Variants in TBC1D16 observed in about 807,000 individuals in gnomAD.
The protein encoded by TBC1D16 is TBC1 domain family member 16.
In TBC1D16, 58 loss-of-function variants were observed where a neutral mutation model predicts 74.7. That is an observed-to-expected ratio of 0.78 (90% confidence interval 0.63 to 0.97). TBC1D16 has a LOEUF of 0.97. TBC1D16 is among the 50% of genes least tolerant of loss of function. The pLI is 0.00. For synonymous variants in TBC1D16, 493 were observed against 474.7 expected, an observed-to-expected ratio of 1.04 and a Z score of -0.50; for missense variants, 1,014 against 1,079.5, an observed-to-expected ratio of 0.94 and a Z score of 0.85.
rs565253329 is a variant in TBC1D16 at position 79,944,435 on chromosome 17, C to T, written c.1908+473G>A. ...GTGACGGTGGACGGAGAGTGGAAGT[C>T]GGTATCACTGATTGGGGCCCTCTGG... On this transcript the variant is annotated intron_variant, in intron 10 of 11. Transcript: ENST00000310924. The surrounding 1 kb of genome is among the most constrained non-coding windows in gnomAD (Gnocchi z 7.7). Among the ~76,000 whole-genome samples, 6 of 152,212 alleles carry T rather than the reference C, an allele frequency of 3.9e-5. No individual in the cohort carries two copies. Among genetic ancestry groups the T allele is most frequent in the South Asian group, 2.1e-4 (1 of 4,822 alleles).
Position 79,983,988 on chromosome 17 carries a change from T to C in TBC1D16, c.779+26172A>G, listed in dbSNP as rs2034704867. Among the ~76,000 whole-genome samples, 1 of 149,678 alleles carries C rather than the reference T, an allele frequency of 6.7e-6. No individual in the cohort carries two copies. The highest frequency in any genetic ancestry group is 1.5e-5 in the Non-Finnish European group (1 of 67,756). ...CTTAAGGGATCCTCCCTCCTCAGCC[T>C]CCCTGAGTAGCTGGGACTACAGGCA... On this transcript the variant is annotated intron_variant, in intron 3 of 11. Transcript: ENST00000310924. This position sits in a 1 kb window ranked among gnomAD's most constrained non-coding sequence, Gnocchi z 5.6.
rs2035769537 is a variant in TBC1D16 at position 80,008,736 on chromosome 17, T to G, written c.779+1424A>C. On this transcript the variant is annotated intron_variant, in intron 3 of 11. Coordinates refer to ENST00000310924, the MANE Select transcript of TBC1D16 (RefSeq NM_019020.4). This position sits in a 1 kb window ranked among gnomAD's most constrained non-coding sequence, Gnocchi z 4.5. ...GAGTCCTCAGTTACGGCTCACGGCTTCCTTTTATCTGCACTCTCCAATAAC... is the reference window on the plus strand; with the variant it reads ...GAGTCCTCAGTTACGGCTCACGGCTGCCTTTTATCTGCACTCTCCAATAAC... Among the ~76,000 whole-genome samples, 1 of 152,174 alleles carries G rather than the reference T, an allele frequency of 6.6e-6. No individual in the cohort carries two copies. The highest frequency in any genetic ancestry group is 2.4e-5 in the African/African-American group (1 of 41,440).
At chr17:79,997,777 A>G (rs549975051) in intron 3 of TBC1D16, among the ~76,000 whole-genome samples, 253 of 152,310 alleles carry the variant, frequency 1.7e-3, no homozygotes, top group African/African-American at 5.7e-3. Flanking sequence ...TGTACAGTCT[A>G]TGGGGTTTCA....
At chr17:79,958,644 A>G (rs1435580348) in intron 3 of TBC1D16, among the ~76,000 whole-genome samples, 1 of 152,242 alleles carries the variant, frequency 6.6e-6, no homozygotes, top group Non-Finnish European at 1.5e-5. Context: ...AGGTGCCCAC[A>G]ATAAAGGCAT....
In TBC1D16 at chr17:79,975,511, G is replaced by C. The variant is rs2034294485; in HGVS notation, c.780-22693C>G. On this transcript the variant is annotated intron_variant, in intron 3 of 11. Transcript: ENST00000310924. The surrounding 1 kb of genome is among the most constrained non-coding windows in gnomAD (Gnocchi z 4.5). ...AGTTACACAAAAAGCTTGCTCAAAA[G>C]AATGGGACCGGGAGCAACCGCAATG... is the stretch of plus-strand genomic sequence containing the variant. Among the ~76,000 whole-genome samples the C allele has an allele frequency of 6.6e-6, 1 of 152,162 alleles. No individual in the cohort carries two copies. The highest frequency in any genetic ancestry group is 6.5e-5 in the Admixed American group (1 of 15,278).
rs764428614 is a variant in TBC1D16, at chr17:80,007,333, G to A, written c.779+2827C>T. Among the ~76,000 whole-genome samples the A allele has an allele frequency of 1.3e-5, 2 of 152,194 alleles. No individual in the cohort carries two copies. The highest frequency in any genetic ancestry group is 2.9e-5 in the Non-Finnish European group (2 of 68,034). On this transcript the variant is annotated intron_variant, in intron 3 of 11. Coordinates refer to ENST00000310924, the MANE Select transcript of TBC1D16 (RefSeq NM_019020.4). This position sits in a 1 kb window ranked among gnomAD's most constrained non-coding sequence, Gnocchi z 4.5. The stretch of plus-strand genomic sequence containing the variant: ...CCCCAGGCTGGTGCTCAACCCTCAC[G>A]CCGACTCTGCCCTACAAGGGGGTTC...
At chr17:80,031,204 G>A (rs2036763476) in intron 1 of TBC1D16, among the ~76,000 whole-genome samples, 1 of 152,220 alleles carries the variant, frequency 6.6e-6, no homozygotes, top group Non-Finnish European at 1.5e-5. Flanking sequence ...AGCTCCTTCA[G>A]TCTCATCAGG....
chr17:79,975,296 T>C lies in TBC1D16; in HGVS notation c.780-22478A>G, dbSNP rs60297221. Among the ~76,000 whole-genome samples the C allele has an allele frequency of 0.016, 2,503 of 152,330 alleles. 76 individuals carry two copies. The highest frequency in any genetic ancestry group is 0.056 in the African/African-American group (2,332 of 41,560). ...CAAACCCGATCTCCTGTAATCTACC[T>C]GGATTGGAACGCCCAGCTTTGTACA... On this transcript the variant is annotated intron_variant, in intron 3 of 11. Transcript: ENST00000310924. The surrounding 1 kb of genome is among the most constrained non-coding windows in gnomAD (Gnocchi z 4.5).
chr17:79,955,187 T>C (rs1416646304), intron 3 of TBC1D16, among the ~76,000 whole-genome samples: 2 of 152,228 alleles, frequency 1.3e-5, no homozygotes, highest in African/African-American at 4.8e-5. Flanking sequence ...GCTTGGGACC[T>C]ACAGCTGGGG....
In TBC1D16 at chr17:80,010,126, T is replaced by C; in HGVS notation, c.779+34A>G. 6.4e-7 allele frequency: 1 copy of C among 1,555,764 alleles called. No homozygotes were observed. Among genetic ancestry groups the C allele is most frequent in the Non-Finnish European group, 8.7e-7 (1 of 1,146,260 alleles). On this transcript the variant is annotated intron_variant, in intron 3 of 11. Coordinates refer to ENST00000310924, the MANE Select transcript of TBC1D16 (RefSeq NM_019020.4). This position sits in a 1 kb window ranked among gnomAD's most constrained non-coding sequence, Gnocchi z 8.8. ...CTGCCCAGGTCAGGCCTTGGGGGCCTCCCGAGAGCCCACGCCCAGAACCAG... is the reference window on the plus strand; with the variant it reads ...CTGCCCAGGTCAGGCCTTGGGGGCCCCCCGAGAGCCCACGCCCAGAACCAG...
At position 79,941,365 on chromosome 17, in the gene TBC1D16, C is replaced by T. The variant is rs2031961957; in HGVS notation, c.2056-258G>A. Among the ~76,000 whole-genome samples the T allele has an allele frequency of 6.6e-6, 1 of 152,152 alleles. No individual in the cohort carries two copies. The highest frequency in any genetic ancestry group is 1.5e-5 in the Non-Finnish European group (1 of 68,024). ...ACAGGTGGCTCGAGGTGAACAAGGC[C>T]CTTGAATGGGCTTCATTCAGGAGGG... On this transcript the variant is annotated intron_variant, in intron 11 of 11. Coordinates refer to ENST00000310924, the MANE Select transcript of TBC1D16 (RefSeq NM_019020.4). The surrounding 1 kb of genome is among the most constrained non-coding windows in gnomAD (Gnocchi z 4.3).
rs532784248 is a variant in TBC1D16, at chr17:80,033,179, T to C, written c.-63+2616A>G. 3.0e-4 allele frequency among the ~76,000 whole-genome samples: 45 copies of C among 152,326 alleles called. No homozygotes were observed. The South Asian group carries it at 8.5e-3, about 29-fold the overall frequency. On this transcript the variant is annotated intron_variant, in intron 1 of 11. Coordinates refer to ENST00000310924, the MANE Select transcript of TBC1D16 (RefSeq NM_019020.4). The stretch of plus-strand genomic sequence containing the variant: ...ACGGTCATTAATAACAGTGTTAAAA[T>C]GTTACCATTTGACATTACTTACCAC...
At position 79,983,556 on chromosome 17, in the gene TBC1D16, A is replaced by G. The variant is rs1356330881; in HGVS notation, c.779+26604T>C. Among the ~76,000 whole-genome samples, 1 of 152,214 alleles carries G rather than the reference A, an allele frequency of 6.6e-6. No individual in the cohort carries two copies. The highest frequency in any genetic ancestry group is 1.5e-5 in the Non-Finnish European group (1 of 68,034). Reference sequence around the variant, plus strand: ...TCAGGCACGGGGAGCTGAGCCACCGACGGCTACAAAGACGGGGACGCTTTC... The same window carrying G: ...TCAGGCACGGGGAGCTGAGCCACCGGCGGCTACAAAGACGGGGACGCTTTC... On this transcript the variant is annotated intron_variant, in intron 3 of 11. Transcript: ENST00000310924. The surrounding 1 kb of genome is among the most constrained non-coding windows in gnomAD (Gnocchi z 5.6).
At chr17:79,952,980 T>G (rs868069512) in intron 3 of TBC1D16, 162 bp from the exon 4 acceptor site, 2 of 716,870 alleles carry the variant, frequency 2.8e-6, no homozygotes, top group Non-Finnish European at 4.4e-6. Context: ...AATAAATGAA[T>G]GTATGAACCC....
At chr17:80,013,259 A>G in intron 2 of TBC1D16, 108 bp downstream of exon 2, 1 of 1,088,134 alleles carries the variant, frequency 9.2e-7, no homozygotes, top group South Asian at 1.6e-5. Context: ...ACGTTCTGGA[A>G]GAGGAACCAA....
chr17:79,949,465 AG>A (rs779809614), intron 7 of TBC1D16, among the ~76,000 whole-genome samples: 3 of 152,202 alleles, frequency 2.0e-5, no homozygotes, highest in Non-Finnish European at 4.4e-5. Context: ...CGCCTAGTTA[AG>A]TCTGTTGAAC....
chr17:79,945,732 G>A (rs943811868), intron 9 of TBC1D16, among the ~76,000 whole-genome samples: 36 of 152,348 alleles, frequency 2.4e-4, no homozygotes, highest in Admixed American at 5.2e-4. Context: ...CGTCAGAGGC[G>A]AATGGCGTTG....
intron 3 of TBC1D16, among the ~76,000 whole-genome samples, chr17:80,004,291 C>T (rs1242972375): frequency 6.6e-6 from 1 of 152,208 alleles, no homozygotes; most frequent in African/African-American, 2.4e-5. Context: ...CAGAGTTTAA[C>T]TGCAACGGGC....
chr17:79,981,924 C>G lies in TBC1D16; in HGVS notation c.779+28236G>C, dbSNP rs546784329. Among the ~76,000 whole-genome samples, 3 of 152,240 alleles carry G rather than the reference C, an allele frequency of 2.0e-5. No homozygotes were observed. The South Asian group carries it at 6.2e-4, about 32-fold the overall frequency. On this transcript the variant is annotated intron_variant, in intron 3 of 11. Transcript: ENST00000310924. This position sits in a 1 kb window ranked among gnomAD's most constrained non-coding sequence, Gnocchi z 6.9. The stretch of plus-strand genomic sequence containing the variant: ...TTCCCTGTGCGCACACACACACGCA[C>G]ACACACACACATGCACATGTATTAA...
Sources: gnomAD v4.1 joint callset for allele counts (sites outside exome capture counted in the v4.1 genomes callset) on GRCh38, gnomAD v4.1.1 for gene constraint, Gnocchi (gnomAD v3.1) non-coding constraint, MANE v1.5 for transcripts, NCBI Gene and HGNC (gene_info 2026-07-23, HGNC 2026-07-21) for gene names.